The following TENM3 variants were observed in gnomAD, a reference collection of about 807,000 sequenced individuals.
The protein encoded by TENM3 is teneurin-3.
TENM3 carries 63 observed loss-of-function variants against 255.1 expected under a neutral mutation model. The ratio of observed to expected loss-of-function variants is 0.25; its 90% CI spans 0.20 to 0.30. The LOEUF is 0.30. Among genes scored for constraint, TENM3 ranks in the 10% least tolerant of loss-of-function variants. The pLI is 1.00. For synonymous variants in TENM3, 1,306 were observed against 1,322.3 expected (o/e 0.99, Z 0.27); for missense variants, 2,929 against 3,461.1 (o/e 0.85, Z 3.86).
intron 1 of TENM3, among the ~76,000 whole-genome samples, chr4:182,258,255 G>A (rs1370349601): frequency 1.3e-5 from 2 of 151,908 alleles, no homozygotes; most frequent in African/African-American, 4.8e-5. Flanking sequence ...GAATTTAGTG[G>A]TAAACAAATT....
chr4:182,003,920 AAAAAAAAATAAATCTTC>A, the TENM3 span, among the ~76,000 whole-genome samples: 4 of 152,110 alleles, frequency 2.6e-5, no homozygotes, highest in African/African-American at 9.7e-5. Context: ...TGAATGCTAA[AAAAAAAAATAAATCTTC>A]AGGCCTTTCA....
chr4:182,258,213 T>C (rs188766807), intron 1 of TENM3, among the ~76,000 whole-genome samples: 3 of 152,324 alleles, frequency 2.0e-5, no homozygotes. Flanking sequence ...AATCCTACTA[T>C]ATCTATTTTT....
chr4:182,664,048 A>G (rs766843083), intron 6 of TENM3, among the ~76,000 whole-genome samples: 5 of 152,142 alleles, frequency 3.3e-5, no homozygotes, highest in African/African-American at 4.8e-5. Flanking sequence ...TTCACCTTTG[A>G]TACTATAATT....
chr4:181,832,622 A>T, the TENM3 span, among the ~76,000 whole-genome samples: 43 of 152,334 alleles, frequency 2.8e-4, no homozygotes, highest in African/African-American at 8.9e-4. Flanking sequence ...ACGCTAAGAG[A>T]CTTGCTTCAG....
At chr4:182,721,233 C>T (rs958262724) in intron 13 of TENM3, among the ~76,000 whole-genome samples, 2 of 152,114 alleles carry the variant, frequency 1.3e-5, no homozygotes, top group African/African-American at 4.8e-5. Flanking sequence ...TATTAGAAGT[C>T]GTGGTACAGA....
At chr4:182,534,169 T>C (rs1197830093) in intron 3 of TENM3, among the ~76,000 whole-genome samples, 1 of 152,144 alleles carries the variant, frequency 6.6e-6, no homozygotes, top group African/African-American at 2.4e-5. Flanking sequence ...TACAATACCA[T>C]TGCAGCTGTA....
In TENM3 at chr4:182,566,303, G is replaced by A. The variant is rs1743788765; in HGVS notation, c.512-34621G>A. Among the ~76,000 whole-genome samples the A allele has an allele frequency of 2.6e-5, 4 of 152,150 alleles. No individual in the cohort carries two copies. The South Asian group carries it at 6.2e-4, about 24-fold the overall frequency. On this transcript the variant is annotated intron_variant, in intron 3 of 27. Coordinates refer to ENST00000511685, the MANE Select transcript of TENM3 (RefSeq NM_001080477.4). ...TGTGACGCGATTTGGTACCATTGCC[G>A]AGGAGACATTTGCCATGAGTTGTAC...
chr4:182,344,059 C>T (rs1262356531), intron 2 of TENM3, among the ~76,000 whole-genome samples: 3 of 151,564 alleles, frequency 2.0e-5, no homozygotes, highest in South Asian at 2.1e-4. Flanking sequence ...TTATTAATTA[C>T]GTTTGTCAAG....
At chr4:182,598,478 G>A (rs538654400) in intron 3 of TENM3, among the ~76,000 whole-genome samples, 19 of 152,262 alleles carry the variant, frequency 1.2e-4, no homozygotes, top group East Asian at 3.9e-4. Flanking sequence ...AAGGAAAGCA[G>A]CAGCTGCTTA....
chr4:182,087,518 T>C, the TENM3 span, among the ~76,000 whole-genome samples: 4 of 152,164 alleles, frequency 2.6e-5, no homozygotes, highest in Non-Finnish European at 5.9e-5. Flanking sequence ...ATTAAGCTTT[T>C]AGGCTGTGTT....
At chr4:182,419,209 C>T (rs1471232016) in intron 3 of TENM3, among the ~76,000 whole-genome samples, 1 of 152,148 alleles carries the variant, frequency 6.6e-6, no homozygotes, top group African/African-American at 2.4e-5. Context: ...AAAAGAAATA[C>T]TGTTATTTCT....
the TENM3 span, among the ~76,000 whole-genome samples, chr4:181,803,229 C>T: frequency 4.6e-5 from 7 of 152,196 alleles, no homozygotes; most frequent in African/African-American, 1.7e-4. Flanking sequence ...ACCCAACTCC[C>T]CCTCCCATGC....
chr4:182,068,256 C>A, the TENM3 span, among the ~76,000 whole-genome samples: 3 of 152,124 alleles, frequency 2.0e-5, no homozygotes, highest in Middle Eastern at 3.4e-3. Context: ...GCAAAGACAT[C>A]CATATTTGCG....
rs1392081703 is a variant in TENM3, at chr4:182,730,975, G to A, written c.2803G>A (p.Val935Ile). ...TCATACTGTGTGGATTCCATGGAAT[G>A]TCTTTTATGTGATGGATACCCTAGT... ...QYHTVWIPWN[V>I]FYVMDTLVMK... The change falls in exon 16 of 28, where the codon GTC (valine) becomes ATC (isoleucine). Residue 935 changes from valine to isoleucine, a missense_variant. Around this residue, in one of 6 missense-constraint regions of TENM3, gnomAD observed 1,608 missense variants for 1,884.4 expected, o/e 0.85. Coordinates refer to ENST00000511685, the MANE Select transcript of TENM3 (RefSeq NM_001080477.4). 1 of 1,613,874 alleles carries A rather than the reference G, an allele frequency of 6.2e-7. No individual in the cohort carries two copies. Among genetic ancestry groups the A allele is most frequent in the Non-Finnish European group, 8.5e-7 (1 of 1,179,852 alleles).
the TENM3 span, among the ~76,000 whole-genome samples, chr4:181,822,994 G>A: frequency 3.3e-5 from 5 of 152,258 alleles, no homozygotes; most frequent in East Asian, 3.9e-4. Flanking sequence ...AAAAAAAGGC[G>A]GAGGGAGAAA....
At chr4:182,403,655 A>G (rs1769356694) in intron 3 of TENM3, among the ~76,000 whole-genome samples, 1 of 152,210 alleles carries the variant, frequency 6.6e-6, no homozygotes, top group Admixed American at 6.5e-5. Context: ...CATTCTTACC[A>G]CCGTGGAACA....
At chr4:182,573,655 G>T (rs896459736) in intron 3 of TENM3, among the ~76,000 whole-genome samples, 5 of 152,166 alleles carry the variant, frequency 3.3e-5, no homozygotes, top group African/African-American at 1.2e-4. Context: ...TAAAATTTCT[G>T]AACAGTTTCT....
intron 7 of TENM3, among the ~76,000 whole-genome samples, chr4:182,674,375 T>C (rs1755487298): frequency 6.6e-6 from 1 of 152,168 alleles, no homozygotes; most frequent in African/African-American, 2.4e-5. Context: ...GTGGATTTAG[T>C]TCATATACAT....
At chr4:182,208,316 T>C (rs1362897752) in intron 1 of TENM3, among the ~76,000 whole-genome samples, 1 of 152,224 alleles carries the variant, frequency 6.6e-6, no homozygotes, top group Non-Finnish European at 1.5e-5. Flanking sequence ...TGATTCACTT[T>C]CTGGGAATCT....
Sources: gnomAD v4.1 joint callset for allele counts (sites outside exome capture counted in the v4.1 genomes callset) on GRCh38, gnomAD v4.1.1 for gene constraint, gnomAD v4.1.1 regional missense constraint, MANE v1.5 for transcripts, NCBI Gene and HGNC (gene_info 2026-07-23, HGNC 2026-07-21) for gene names.